DLG2: variants seen among roughly 807,000 people sequenced by gnomAD.
DLG2 encodes disks large homolog 2.
Under a neutral mutation model 132.5 loss-of-function variants are expected in DLG2, and 45 were observed. That is an observed-to-expected ratio of 0.34 (90% CI 0.27 to 0.44). DLG2 has a LOEUF of 0.44. Among genes scored for constraint, DLG2 ranks in the 20% least tolerant of loss-of-function variants. The pLI, the probability that DLG2 is intolerant of heterozygous loss-of-function variation, is 1.00. For missense variants in DLG2, 1,045 were observed against 1,196.9 expected (o/e 0.87, Z 1.87); for synonymous variants, 424 against 419.6 (o/e 1.01, Z -0.13).
At chr11:83,745,117 A>G (rs796905640) in intron 18 of DLG2, among the ~76,000 whole-genome samples, 27 of 152,268 alleles carry the variant, frequency 1.8e-4, no homozygotes, top group African/African-American at 6.3e-4. Flanking sequence ...CATCGCGATC[A>G]ACTCATCTGC....
intron 6 of DLG2, among the ~76,000 whole-genome samples, chr11:85,085,336 C>G (rs1246578840): frequency 1.3e-5 from 2 of 152,196 alleles, no homozygotes; most frequent in East Asian, 3.9e-4. Context: ...CTCCTAGATA[C>G]TATCTCAAGG....
intron 4 of DLG2, among the ~76,000 whole-genome samples, chr11:85,279,690 C>A (rs2078113401): frequency 6.6e-6 from 1 of 151,634 alleles, no homozygotes; most frequent in Admixed American, 6.6e-5. Context: ...CTCAGAAAAA[C>A]AAACCAAAAC....
chr11:84,152,529 G>A (rs2095325181), intron 9 of DLG2, among the ~76,000 whole-genome samples: 1 of 151,846 alleles, frequency 6.6e-6, no homozygotes, highest in Admixed American at 6.6e-5. Context: ...TGGGACTACA[G>A]GCGCCCACCA....
chr11:84,526,155 G>A (rs1479007204), intron 7 of DLG2, among the ~76,000 whole-genome samples: 1 of 152,020 alleles, frequency 6.6e-6, no homozygotes, highest in Admixed American at 6.6e-5. Flanking sequence ...GAAATACTTT[G>A]TACTAATCAT....
At chr11:85,599,590 T>C (rs2153233776) in intron 2 of DLG2, among the ~76,000 whole-genome samples, 3 of 152,318 alleles carry the variant, frequency 2.0e-5, no homozygotes, top group Middle Eastern at 6.8e-3. Flanking sequence ...ACAGGTGTTA[T>C]GATTAGACAA....
At chr11:83,722,507 G>A (rs1247504708) in intron 18 of DLG2, among the ~76,000 whole-genome samples, 2 of 152,102 alleles carry the variant, frequency 1.3e-5, no homozygotes, top group African/African-American at 4.8e-5. Context: ...CAACTCTGAG[G>A]AAAATGCAAA....
At chr11:84,775,818 T>A (rs1460806423) in intron 6 of DLG2, among the ~76,000 whole-genome samples, 3 of 152,146 alleles carry the variant, frequency 2.0e-5, no homozygotes, top group Non-Finnish European at 4.4e-5. Flanking sequence ...GGTAACATAA[T>A]TAATTGTACC....
At chr11:85,269,766 G>C (rs2077413380) in intron 4 of DLG2, among the ~76,000 whole-genome samples, 1 of 152,070 alleles carries the variant, frequency 6.6e-6, no homozygotes, top group African/African-American at 2.4e-5. Context: ...GTTCTGTTTT[G>C]TTTTGTGATT....
At chr11:83,937,101 TATAGATCTACAAA>T (rs1385408468) in intron 14 of DLG2, among the ~76,000 whole-genome samples, 6 of 152,084 alleles carry the variant, frequency 3.9e-5, no homozygotes, top group African/African-American at 1.4e-4. Flanking sequence ...ATAGGATAAA[TATAGATCTACAAA>T]ATGTCAGGTT....
chr11:83,804,437 A>T (rs1387003095), intron 17 of DLG2, among the ~76,000 whole-genome samples: 1 of 152,014 alleles, frequency 6.6e-6, no homozygotes, highest in Admixed American at 6.6e-5. Flanking sequence ...TATTTTGAAA[A>T]ATTTCAAATT....
At chr11:85,059,279 A>T (rs951702813) in intron 6 of DLG2, among the ~76,000 whole-genome samples, 1 of 151,514 alleles carries the variant, frequency 6.6e-6, no homozygotes, top group South Asian at 2.1e-4. Context: ...GAAAAAAAAA[A>T]TGTAGAGCAG....
chr11:84,934,514 TG>T (rs377336706), intron 6 of DLG2, among the ~76,000 whole-genome samples: 3,910 of 85,186 alleles, frequency 0.046, 850 homozygotes, highest in African/African-American at 0.073. Context: ...GTTTTTTTTT[TG>T]TTTTGTTTTG....
At chr11:83,974,410 T>C (rs896833183) in intron 12 of DLG2, among the ~76,000 whole-genome samples, 3 of 152,070 alleles carry the variant, frequency 2.0e-5, no homozygotes, top group African/African-American at 7.2e-5. Context: ...AAATAAGATA[T>C]GCTCACACAT....
intron 5 of DLG2, among the ~76,000 whole-genome samples, chr11:85,116,941 T>C (rs1594436204): frequency 1.3e-5 from 2 of 152,038 alleles, no homozygotes; most frequent in Admixed American, 6.6e-5. Context: ...GAAACTTCAA[T>C]GGGACTGCAC....
intron 8 of DLG2, among the ~76,000 whole-genome samples, chr11:84,223,919 C>T (rs919635582): frequency 2.0e-5 from 3 of 152,180 alleles, no homozygotes; most frequent in Non-Finnish European, 4.4e-5. Context: ...CACTCCTTCC[C>T]TGGCACACAT....
chr11:83,984,782 C>T (rs1346261264), intron 11 of DLG2, among the ~76,000 whole-genome samples: 1 of 152,060 alleles, frequency 6.6e-6, no homozygotes, highest in Non-Finnish European at 1.5e-5. Flanking sequence ...ATGATCAAAT[C>T]AGGATAATTG....
In DLG2 at chr11:83,541,877, G is replaced by C. The variant is rs745476663; in HGVS notation, c.1941-19C>G. ...CATGGCTCTGGAGGAAAGGACAAAA[G>C]AGGACATTGTTAGGAATCTCTGGCA... is the stretch of plus-strand genomic sequence containing the variant. On this transcript the variant is annotated intron_variant, in intron 19 of 27. Transcript: ENST00000376104. 4 of 1,577,530 alleles carry C rather than the reference G, an allele frequency of 2.5e-6. No homozygotes were observed. The Admixed American group carries it at 7.2e-5, about 28-fold the overall frequency.
chr11:85,562,020 G>T (rs981364523), intron 3 of DLG2, among the ~76,000 whole-genome samples: 2 of 151,832 alleles, frequency 1.3e-5, no homozygotes, highest in African/African-American at 2.4e-5. Context: ...GGTTGAGTTA[G>T]TGGCCAATAT....
chr11:85,345,806 G>A (rs1189291989), intron 3 of DLG2, among the ~76,000 whole-genome samples: 1 of 152,150 alleles, frequency 6.6e-6, no homozygotes, highest in East Asian at 1.9e-4. Flanking sequence ...AAAGAGCACA[G>A]CTGCATGCCT....
Sources: gnomAD v4.1 joint callset for allele counts (sites outside exome capture counted in the v4.1 genomes callset) on GRCh38, gnomAD v4.1.1 for gene constraint, MANE v1.5 for transcripts, NCBI Gene and HGNC (gene_info 2026-07-23, HGNC 2026-07-21) for gene names.